Variants in BCL11A observed in about 807,000 individuals in gnomAD.
BCL11A encodes B cell CLL/lymphoma 11A.
In BCL11A, 2 loss-of-function variants were observed where a neutral mutation model predicts 55.9. The ratio of observed to expected loss-of-function variants is 0.04; its 90% CI spans 0.01 to 0.11. The LOEUF (loss-of-function observed/expected upper bound fraction) is 0.11. BCL11A is among the 10% of genes least tolerant of loss of function. BCL11A has a pLI of 1.00. For missense variants in BCL11A, 817 were observed against 1,137.1 expected, an observed-to-expected ratio of 0.72 and a Z score of 4.05; for synonymous variants, 465 against 473.4, an observed-to-expected ratio of 0.98 and a Z score of 0.23.
intron 2 of BCL11A, among the ~76,000 whole-genome samples, chr2:60,505,062 T>C (rs1001873924): frequency 5.3e-5 from 8 of 152,082 alleles, no homozygotes; most frequent in Non-Finnish European, 1.2e-4. Context: ...CTCTCTAAGC[T>C]TCAACTACCC....
intron 2 of BCL11A, among the ~76,000 whole-genome samples, chr2:60,497,411 G>T (rs991526959): frequency 4.6e-5 from 7 of 152,144 alleles, no homozygotes; most frequent in African/African-American, 1.7e-4. Flanking sequence ...TCAATCCCTA[G>T]AAACTAGCCC....
In BCL11A at chr2:60,461,496, G is replaced by C. The variant is rs1572951460; in HGVS notation, c.1416C>G (p.Ser472Arg). 1.9e-6 allele frequency: 3 copies of C among 1,605,490 alleles called. No individual in the cohort carries two copies. The highest frequency in any genetic ancestry group is 1.3e-5 in the African/African-American group (1 of 74,932). The change falls in exon 4 of 4, where the codon AGC (serine) becomes AGG (arginine). Residue 472 changes from serine to arginine, a missense_variant. Ser to Arg is a moderately radical substitution (Grantham distance 110, BLOSUM62 -1). Transcript: ENST00000642384. Reference protein sequence around the residue: ...ALKSVVAKFKSENDPNLIPEN... With the variant: ...ALKSVVAKFKRENDPNLIPEN... ...CCGGGATCAGGTTGGGGTCGTTCTC[G>C]CTCTTGAACTTGGCCACCACGGACT...
intron 2 of BCL11A, among the ~76,000 whole-genome samples, chr2:60,500,705 G>A (rs1679231825): frequency 6.6e-6 from 1 of 152,298 alleles, no homozygotes; most frequent in East Asian, 1.9e-4. Flanking sequence ...CATCAAACCT[G>A]GAACTCACAG....
chr2:60,521,099 A>ACT (rs1491062765), intron 2 of BCL11A, among the ~76,000 whole-genome samples: 1 of 76,234 alleles, frequency 1.3e-5, no homozygotes, highest in African/African-American at 4.2e-5. Context: ...ACACACACAC[A>ACT]CTCACACACA....
chr2:60,474,582 A>G (rs1419096594), intron 2 of BCL11A, among the ~76,000 whole-genome samples: 1 of 152,268 alleles, frequency 6.6e-6, no homozygotes, highest in Non-Finnish European at 1.5e-5. Context: ...TTTGCCTTAG[A>G]ATGGCGGAAC....
Position 60,458,477 on chromosome 2 carries a change from C to T in BCL11A, c.*1927G>A. On this transcript the variant is annotated 3_prime_UTR_variant, in exon 4 of 4. Coordinates refer to ENST00000642384, the MANE Select transcript of BCL11A (RefSeq NM_022893.4). ...TAAAAAAGTTTTGTACAAAAAAATCCTTGCACTGTAGAAGCGAAAGCAATC... is the reference window on the plus strand; with the variant it reads ...TAAAAAAGTTTTGTACAAAAAAATCTTTGCACTGTAGAAGCGAAAGCAATC... 9.7e-7 allele frequency: 1 copy of T among 1,029,498 alleles called. No homozygotes were observed. The allele number at this position is 1,029,498 out of a possible 1,614,324, so 63.8% of individuals were successfully genotyped here.
intron 2 of BCL11A, among the ~76,000 whole-genome samples, chr2:60,487,603 TG>T (rs1336012947): frequency 6.6e-6 from 1 of 152,178 alleles, no homozygotes; most frequent in African/African-American, 2.4e-5. Flanking sequence ...AAAAAAGGCA[TG>T]AAAAAGAAGG....
chr2:60,462,794 C>T (rs1191298408), intron 3 of BCL11A, among the ~76,000 whole-genome samples: 1 of 152,196 alleles, frequency 6.6e-6, no homozygotes, highest in African/African-American at 2.4e-5. Flanking sequence ...CTCCATGTGC[C>T]TCTGTTTCCT....
exon 5 of BCL11A, chr2:60,451,164 C>G (rs1369933802): frequency 5.2e-6 from 1 of 192,844 alleles, no homozygotes; most frequent in African/African-American, 2.3e-5. Flanking sequence ...TAGTTCACTA[C>G]TGTAGACAGT....
chr2:60,521,714 T>C (rs1303883674), intron 2 of BCL11A, among the ~76,000 whole-genome samples: 1 of 152,158 alleles, frequency 6.6e-6, no homozygotes, highest in Non-Finnish European at 1.5e-5. Flanking sequence ...CTTTCTCTAA[T>C]AGCCAGGGCT....
chr2:60,478,133 T>C (rs1251285331), intron 2 of BCL11A: 2 of 152,268 alleles, frequency 1.3e-5, no homozygotes, highest in Non-Finnish European at 2.9e-5. Context: ...CCTGGCTAAT[T>C]TTTGTATTTT....
intron 2 of BCL11A, among the ~76,000 whole-genome samples, chr2:60,487,928 C>T (rs1678375870): frequency 6.6e-6 from 1 of 152,204 alleles, no homozygotes; most frequent in Non-Finnish European, 1.5e-5. Flanking sequence ...TCCCTGATAA[C>T]ATCTGCCACT....
At position 60,459,249 on chromosome 2, in the gene BCL11A, T is replaced by C; in HGVS notation, c.*1155A>G. 9.8e-7 allele frequency: 1 copy of C among 1,017,974 alleles called. No individual in the cohort carries two copies. The highest frequency in any genetic ancestry group is 1.2e-6 in the Non-Finnish European group (1 of 848,058). The allele number at this position is 1,017,974 out of a possible 1,614,324, so 63.1% of individuals were successfully genotyped here. On this transcript the variant is annotated 3_prime_UTR_variant, in exon 4 of 4. Coordinates refer to ENST00000642384, the MANE Select transcript of BCL11A (RefSeq NM_022893.4). ...TGTCCACTTGACAACCAAGTAGATC[T>C]GGATCTATTTCTTTTGGTGCCAGTA... is the stretch of plus-strand genomic sequence containing the variant.
At chr2:60,521,089 A>ACACACACACACACACACACT (rs1668962159) in intron 2 of BCL11A, among the ~76,000 whole-genome samples, 1 of 80,162 alleles carries the variant, frequency 1.2e-5, no homozygotes, top group African/African-American at 3.9e-5. Flanking sequence ...ACACACACAC[A>ACACACACACACACACACACT]CACACACACA....
At chr2:60,455,551 C>T (rs998533252), downstream of BCL11A, among the ~76,000 whole-genome samples, 1 of 152,206 alleles carries the variant, frequency 6.6e-6, no homozygotes, top group African/African-American at 2.4e-5. Flanking sequence ...GTAAATCAAA[C>T]ATAATCTGTG....
At chr2:60,497,935 C>T (rs1366134012) in intron 2 of BCL11A, among the ~76,000 whole-genome samples, 4 of 152,042 alleles carry the variant, frequency 2.6e-5, no homozygotes, top group East Asian at 1.9e-4. Context: ...CTGGACCCAC[C>T]GCTTCATTGG....
chr2:60,545,952 C>T lies in BCL11A; in HGVS notation c.385+19G>A, dbSNP rs1053649022. On this transcript the variant is annotated intron_variant, in intron 2 of 3. Transcript: ENST00000642384. ...AAAAGAAAACATGCAAACAGCTTTT[C>T]TCCTTGCTTCTCATTTACCTGCTAT... The T allele has an allele frequency of 1.9e-6, 3 of 1,602,150 alleles. No homozygotes were observed. The African/African-American group carries it at 4.0e-5, about 22-fold the overall frequency.
At chr2:60,547,475 T>G (rs1450074152) in intron 1 of BCL11A, among the ~76,000 whole-genome samples, 1 of 149,552 alleles carries the variant, frequency 6.7e-6, no homozygotes. Context: ...AGAGAGTTGG[T>G]AAGTCTCTGC....
chr2:60,459,347 C>T lies in BCL11A; in HGVS notation c.*1057G>A. The T allele has an allele frequency of 2.0e-6, 2 of 1,019,084 alleles. No homozygotes were observed. The highest frequency in any genetic ancestry group is 4.6e-5 in the South Asian group (1 of 21,586). 63.1% of individuals were successfully genotyped at this position (1,019,084 alleles called of 1,614,324 possible). On this transcript the variant is annotated 3_prime_UTR_variant, in exon 4 of 4. Transcript: ENST00000642384. ...CTTACTAGTGTATTTAATTGCGTTC[C>T]AGGGCTTTTGCACATTACACATTCA...
Sources: gnomAD v4.1 joint callset for allele counts (sites outside exome capture counted in the v4.1 genomes callset) on GRCh38, gnomAD v4.1.1 for gene constraint, MANE v1.5 for transcripts, NCBI Gene and HGNC (gene_info 2026-07-23, HGNC 2026-07-21) for gene names.